EOGT: variants seen among roughly 807,000 people sequenced by gnomAD.
The protein encoded by EOGT is EGF domain-specific O-linked N-acetylglucosamine transferase.
EOGT carries 55 observed loss-of-function variants against 70.5 expected under a neutral mutation model. The ratio of observed to expected loss-of-function variants is 0.78; its 90% confidence interval spans 0.63 to 0.98. The LOEUF is 0.98. EOGT is among the 50% of genes least tolerant of loss of function. The pLI is 0.00. For missense variants in EOGT, 703 were observed against 641.9 expected, an observed-to-expected ratio of 1.10 and a Z score of -1.03; for synonymous variants, 246 against 217.1, an observed-to-expected ratio of 1.13 and a Z score of -1.17.
At chr3:68,983,071 C>T (rs1046071418) in intron 14 of EOGT, among the ~76,000 whole-genome samples, 199 bp from the exon 15 acceptor site, 1 of 152,100 alleles carries the variant, frequency 6.6e-6, no homozygotes, top group Non-Finnish European at 1.5e-5. Context: ...AGTTCAAATC[C>T]AGGCCCCACC....
chr3:69,011,950 G>C lies in EOGT; in HGVS notation c.-29C>G, dbSNP rs1006004247. On this transcript the variant is annotated 5_prime_UTR_variant, in exon 3 of 18. Transcript: ENST00000383701. ...AAAATATATACCTCTTGAATCTTCA[G>C]AACCACTCAGAAGCTTCTGTGATGT... is the stretch of plus-strand genomic sequence containing the variant. 5 of 152,074 alleles carry C rather than the reference G, an allele frequency of 3.3e-5. No individual in the cohort carries two copies. Among genetic ancestry groups the C allele is most frequent in the African/African-American group, 1.2e-4 (5 of 41,378 alleles). 9.4% of individuals were successfully genotyped at this position (152,074 alleles called of 1,614,324 possible). A position where few individuals can be genotyped will look rare whatever the true frequency, so the allele number is the denominator to read the frequency against.
At chr3:69,005,762 A>G (rs2091424404) in intron 6 of EOGT, among the ~76,000 whole-genome samples, 1 of 152,234 alleles carries the variant, frequency 6.6e-6, no homozygotes, top group Non-Finnish European at 1.5e-5. Context: ...TAATTGAAGA[A>G]AGGAGTCGAA....
At chr3:68,981,278 G>C (rs929535791) in intron 15 of EOGT, among the ~76,000 whole-genome samples, 3 of 152,188 alleles carry the variant, frequency 2.0e-5, no homozygotes, top group African/African-American at 7.2e-5. Flanking sequence ...CCGCCATAAT[G>C]GGATTCCTAC....
intron 10 of EOGT, among the ~76,000 whole-genome samples, chr3:68,995,974 T>C (rs754197823): frequency 6.6e-6 from 1 of 152,322 alleles, no homozygotes; most frequent in Admixed American, 6.5e-5. Context: ...TTTATGTTAA[T>C]TACAAAATTT....
In EOGT at chr3:68,982,877, G is replaced by GA. The variant is rs1254831473; in HGVS notation, c.1153-6dup. On this transcript the variant is annotated splice_region_variant and splice_polypyrimidine_tract_variant and intron_variant, in intron 14 of 17. Coordinates refer to ENST00000383701, the MANE Select transcript of EOGT (RefSeq NM_001278689.2). ...TGTTTTCAGTGCATTTACAAGCTGG[G>GA]AAAAAAAGAGAAACATTTAGCATTT... is the stretch of plus-strand genomic sequence containing the variant. 3 of 1,592,378 alleles carry GA rather than the reference G, an allele frequency of 1.9e-6. No individual in the cohort carries two copies. Among genetic ancestry groups the GA allele is most frequent in the Non-Finnish European group, 2.6e-6 (3 of 1,169,616 alleles).
chr3:69,008,674 C>G (rs571860671), intron 4 of EOGT, 146 bp from the exon 5 acceptor site: 37 of 633,406 alleles, frequency 5.8e-5, no homozygotes, highest in Admixed American at 1.2e-4. Flanking sequence ...TTAAAACTTA[C>G]AGTTAATTCT....
chr3:68,994,131 C>T (rs781568247), intron 10 of EOGT, among the ~76,000 whole-genome samples: 8 of 152,056 alleles, frequency 5.3e-5, no homozygotes, highest in Non-Finnish European at 5.9e-5. Flanking sequence ...ATTATATATA[C>T]GCACACACAC....
chr3:68,981,888 C>T (rs958242722), intron 15 of EOGT, among the ~76,000 whole-genome samples: 6 of 144,976 alleles, frequency 4.1e-5, no homozygotes, highest in African/African-American at 1.7e-4. Flanking sequence ...TTTTATAACA[C>T]CTAAATTTTG....
At chr3:68,997,355 T>G (rs1391582080) in intron 10 of EOGT, among the ~76,000 whole-genome samples, 2 of 151,270 alleles carry the variant, frequency 1.3e-5, no homozygotes, top group African/African-American at 4.9e-5. Context: ...GTTACAGAGG[T>G]TGAGTGAATG....
chr3:69,004,155 TTC>T (rs752498157), intron 8 of EOGT, among the ~76,000 whole-genome samples: 8 of 152,242 alleles, frequency 5.3e-5, no homozygotes, highest in Non-Finnish European at 8.8e-5. Context: ...GCTGATTTTT[TTC>T]TTTCATTAGC....
chr3:68,989,626 T>C (rs36138181), intron 10 of EOGT, among the ~76,000 whole-genome samples: 54,724 of 150,978 alleles, frequency 0.36, 10,348 homozygotes, highest in East Asian at 0.54. Flanking sequence ...CATGTGCTTA[T>C]AATCCCAGCT....
At chr3:69,010,441 T>C (rs897301382) in intron 3 of EOGT, among the ~76,000 whole-genome samples, 1 of 152,194 alleles carries the variant, frequency 6.6e-6, no homozygotes, top group Non-Finnish European at 1.5e-5. Context: ...ATAGACAACA[T>C]AGCATGGTGA....
chr3:68,988,965 T>A lies in EOGT; in HGVS notation c.884A>T (p.Asp295Val). ...AGTTTTCAAATGTATAACGTCATAA[T>A]CAGTAAATGCATTCCATGTGTCGGA... ...LFSDTWNAFT[D>V]YDVIHLKTYD... The change falls in exon 11 of 18, where the codon GAT (aspartate) becomes GTT (valine). Residue 295 changes from aspartate to valine, a missense_variant. Asp to Val is a radical substitution (Grantham distance 152). Coordinates refer to ENST00000383701, the MANE Select transcript of EOGT (RefSeq NM_001278689.2). 1 of 1,532,208 alleles carries A rather than the reference T, an allele frequency of 6.5e-7. No individual in the cohort carries two copies. The highest frequency in any genetic ancestry group is 1.2e-5 in the South Asian group (1 of 83,324). 94.9% of individuals were successfully genotyped at this position (1,532,208 alleles called of 1,614,324 possible).
At position 69,001,646 on chromosome 3, in the gene EOGT, A is replaced by G. The variant is rs777596072; in HGVS notation, c.689T>C (p.Val230Ala). 1 of 1,611,026 alleles carries G rather than the reference A, an allele frequency of 6.2e-7. No individual in the cohort carries two copies. Among genetic ancestry groups the G allele is most frequent in the South Asian group, 1.1e-5 (1 of 90,124 alleles). Residue 230 changes from valine (V) to alanine (A), a missense_variant, in exon 9 of 18, where the codon GTC (valine) becomes GCC (alanine). By Grantham distance (64) the Val-to-Ala change is moderately conservative. Coordinates refer to ENST00000383701, the MANE Select transcript of EOGT (RefSeq NM_001278689.2). ...RPIEDAKCDIVIEKPTYFMKL... is the reference protein window; with the variant it reads ...RPIEDAKCDIAIEKPTYFMKL... ...CATGAAATATGTTGGTTTTTCAATG[A>G]CAATGTCACATTTAGCATCTTCTAT... is the stretch of plus-strand genomic sequence containing the variant.
At chr3:68,985,149 T>A (rs1036760990) in intron 14 of EOGT, among the ~76,000 whole-genome samples, 4 of 152,210 alleles carry the variant, frequency 2.6e-5, no homozygotes, top group South Asian at 2.1e-4. Flanking sequence ...TCAATATGTA[T>A]GGTCTATACC....
At chr3:68,978,587 G>A (rs920899978) in intron 16 of EOGT, 152 bp from the exon 17 acceptor site, 1 of 559,142 alleles carries the variant, frequency 1.8e-6, no homozygotes, top group Middle Eastern at 2.7e-4. Context: ...CTGAGGAAGA[G>A]AATGTAAAAA....
intron 14 of EOGT, among the ~76,000 whole-genome samples, chr3:68,984,195 A>G (rs188107709): frequency 6.8e-6 from 1 of 147,002 alleles, no homozygotes; most frequent in East Asian, 2.0e-4. Context: ...ACCAACATTT[A>G]ATCCCCTCCC....
At chr3:68,990,441 C>T (rs1475661291) in intron 10 of EOGT, among the ~76,000 whole-genome samples, 2 of 151,596 alleles carry the variant, frequency 1.3e-5, no homozygotes, top group African/African-American at 2.4e-5. Flanking sequence ...CAACCTCCAC[C>T]TCCCAAGTTC....
chr3:69,008,243 A>G (rs186021645), intron 5 of EOGT, among the ~76,000 whole-genome samples, 185 bp downstream of exon 5: 1 of 152,376 alleles, frequency 6.6e-6, no homozygotes, highest in Admixed American at 6.5e-5. Context: ...CCTCTGGCAG[A>G]GGAAATGACA....
Sources: allele counts gnomAD v4.1 joint callset (sites outside exome capture counted in the v4.1 genomes callset), GRCh38; gene constraint gnomAD v4.1.1; transcripts MANE v1.5; gene names NCBI Gene and HGNC (gene_info 2026-07-23, HGNC 2026-07-21).